Variants in ROBO2 observed in about 807,000 individuals in gnomAD.
ROBO2 encodes the protein roundabout guidance receptor 2, also known as roundabout homolog 2.
A neutral mutation model predicts 160.8 loss-of-function variants in ROBO2; 53 were observed. The observed-to-expected ratio is 0.33, with a 90% confidence interval of 0.26 to 0.41. ROBO2 has a LOEUF of 0.41. Ranked by LOEUF, ROBO2 falls within the 10% of genes least tolerant of loss-of-function variation. ROBO2 has a pLI of 1.00. For synonymous variants in ROBO2, 664 were observed against 611.7 expected (o/e 1.09, Z -1.26); for missense variants, 1,577 against 1,722.4 (o/e 0.92, Z 1.49).
At chr3:76,322,828 A>G (rs2072679797) in intron 2 of ROBO2, among the ~76,000 whole-genome samples, 1 of 152,146 alleles carries the variant, frequency 6.6e-6, no homozygotes, top group African/African-American at 2.4e-5. Context: ...TCTTATCCAT[A>G]TCTTGCAGAT....
At chr3:76,795,968 C>G (rs149623810) in intron 2 of ROBO2, among the ~76,000 whole-genome samples, 8 of 152,228 alleles carry the variant, frequency 5.3e-5, no homozygotes, top group African/African-American at 1.9e-4. Context: ...TTTTTTTATA[C>G]ATCTCCATCA....
At chr3:76,444,852 A>G (rs1046551753) in intron 2 of ROBO2, among the ~76,000 whole-genome samples, 14 of 152,186 alleles carry the variant, frequency 9.2e-5, no homozygotes, top group Non-Finnish European at 1.3e-4. Flanking sequence ...TATGGGGAAC[A>G]TTTACAATGT....
intron 2 of ROBO2, among the ~76,000 whole-genome samples, chr3:76,456,313 C>T (rs188808413): frequency 6.1e-4 from 93 of 152,312 alleles, no homozygotes; most frequent in Admixed American, 1.6e-3. Flanking sequence ...AATTTAATGA[C>T]ATTCCATTGG....
At chr3:77,585,290 G>T (rs925266721) in intron 16 of ROBO2, among the ~76,000 whole-genome samples, 1 of 150,638 alleles carries the variant, frequency 6.6e-6, no homozygotes, top group Non-Finnish European at 1.5e-5. Flanking sequence ...AAAATTACAA[G>T]CATACGATAT....
intron 2 of ROBO2, among the ~76,000 whole-genome samples, chr3:76,454,580 A>G (rs1225201851): frequency 1.3e-5 from 2 of 152,124 alleles, no homozygotes; most frequent in Non-Finnish European, 2.9e-5. Flanking sequence ...ATGAACAACT[A>G]TTTAACTTCC....
At chr3:76,151,271 T>C (rs1353480599) in intron 2 of ROBO2, among the ~76,000 whole-genome samples, 2 of 152,108 alleles carry the variant, frequency 1.3e-5, no homozygotes, top group Non-Finnish European at 2.9e-5. Context: ...TATGGAAATC[T>C]TTATCTCTCT....
intron 2 of ROBO2, among the ~76,000 whole-genome samples, chr3:77,332,171 A>G (rs2066036524): frequency 6.6e-6 from 1 of 152,230 alleles, no homozygotes; most frequent in Admixed American, 6.5e-5. Context: ...ATATTAATAT[A>G]CGTAATGTAT....
chr3:76,935,977 G>A (rs1262424429), intron 2 of ROBO2, among the ~76,000 whole-genome samples: 1 of 152,148 alleles, frequency 6.6e-6, no homozygotes, highest in Non-Finnish European at 1.5e-5. Flanking sequence ...GTGGGGAGGG[G>A]ACACAAACAT....
At chr3:76,419,116 C>T (rs2075880839) in intron 2 of ROBO2, among the ~76,000 whole-genome samples, 1 of 152,064 alleles carries the variant, frequency 6.6e-6, no homozygotes, top group Non-Finnish European at 1.5e-5. Context: ...AGCAGGTAAA[C>T]AGTGGGTTAA....
intron 2 of ROBO2, among the ~76,000 whole-genome samples, chr3:76,103,014 G>A (rs551843519): frequency 9.2e-5 from 14 of 152,058 alleles, no homozygotes; most frequent in African/African-American, 2.7e-4. Flanking sequence ...TAGTAGAGTC[G>A]GGGTTTCACC....
intron 2 of ROBO2, among the ~76,000 whole-genome samples, chr3:76,535,484 C>T (rs910878255): frequency 6.6e-6 from 1 of 151,834 alleles, no homozygotes; most frequent in African/African-American, 2.4e-5. Flanking sequence ...AGAGGTATCC[C>T]ATACTTGCAG....
At chr3:75,926,102 TATG>T (rs1423237988) in intron 1 of ROBO2, among the ~76,000 whole-genome samples, 1 of 151,986 alleles carries the variant, frequency 6.6e-6, no homozygotes, top group East Asian at 1.9e-4. Context: ...CTTGTAGGAG[TATG>T]ATATTCCTCC....
intron 2 of ROBO2, among the ~76,000 whole-genome samples, chr3:76,739,061 G>T (rs2093759268): frequency 6.6e-6 from 1 of 152,012 alleles, no homozygotes; most frequent in African/African-American, 2.4e-5. Context: ...TACAGATTCA[G>T]GTCAGTGTGG....
chr3:76,793,085 A>G (rs1286062361), intron 2 of ROBO2, among the ~76,000 whole-genome samples: 1 of 151,768 alleles, frequency 6.6e-6, no homozygotes, highest in African/African-American at 2.4e-5. Flanking sequence ...CTCTAATTTC[A>G]GTTGTTTTTG....
At chr3:75,910,499 A>G (rs1946528477) in intron 1 of ROBO2, among the ~76,000 whole-genome samples, 1 of 152,134 alleles carries the variant, frequency 6.6e-6, no homozygotes, top group Non-Finnish European at 1.5e-5. Flanking sequence ...TACTAGGGAG[A>G]TGATTGAACA....
At chr3:75,923,888 A>G (rs888597781) in intron 1 of ROBO2, among the ~76,000 whole-genome samples, 3 of 152,160 alleles carry the variant, frequency 2.0e-5, no homozygotes, top group Non-Finnish European at 4.4e-5. Context: ...TTCCTTTTCT[A>G]TTGTCCAGAT....
intron 1 of ROBO2, among the ~76,000 whole-genome samples, chr3:77,052,443 T>C (rs1186150470): frequency 6.6e-6 from 1 of 152,158 alleles, no homozygotes; most frequent in Non-Finnish European, 1.5e-5. Flanking sequence ...ATAGCATCAG[T>C]CAGCTGCCTT....
chr3:76,198,267 A>G (rs1235641912), intron 2 of ROBO2, among the ~76,000 whole-genome samples: 1 of 151,908 alleles, frequency 6.6e-6, no homozygotes, highest in Non-Finnish European at 1.5e-5. Context: ...CTCCCTCAGG[A>G]CATGGTGGGA....
intron 2 of ROBO2, among the ~76,000 whole-genome samples, chr3:76,666,949 T>C (rs191069128): frequency 7.7e-4 from 106 of 138,066 alleles, no homozygotes; most frequent in Middle Eastern, 4.0e-3. Flanking sequence ...TCTATATATA[T>C]ATTATATGAC....
Sources: allele counts gnomAD v4.1 joint callset (sites outside exome capture counted in the v4.1 genomes callset), GRCh38; gene constraint gnomAD v4.1.1; transcripts MANE v1.5; gene names NCBI Gene and HGNC (gene_info 2026-07-23, HGNC 2026-07-21).